UFC1: variants seen among roughly 807,000 people sequenced by gnomAD.
UFC1 encodes the protein ubiquitin-fold modifier conjugating enzyme 1, also known as ubiquitin-fold modifier-conjugating enzyme 1.
UFC1 carries 22 observed loss-of-function variants against 28.0 expected under a neutral mutation model. The observed-to-expected ratio is 0.78, with a 90% CI of 0.56 to 1.12. The LOEUF is 1.12. Among genes scored for constraint, UFC1 ranks in the 50% most tolerant of loss-of-function variants. The pLI is 0.00. For synonymous variants in UFC1, 61 were observed against 74.5 expected (o/e 0.82, Z 0.93); for missense variants, 189 against 207.8 (o/e 0.91, Z 0.56).
chr1:161,154,057 C>T lies in UFC1; in HGVS notation c.60C>T (p.Ala20=), dbSNP rs750953619. 1 of 1,614,078 alleles carries T rather than the reference C, an allele frequency of 6.2e-7. No homozygotes were observed. Among genetic ancestry groups the T allele is most frequent in the Non-Finnish European group, 8.5e-7 (1 of 1,180,032 alleles). ...VSEIPVLKTN[A]GPRDRELWVQ... is the part of the protein sequence containing the mutation. The stretch of plus-strand genomic sequence containing the variant: ...AGATCCCGGTGCTGAAGACTAACGC[C>T]GGACCCCGAGATCGTGAGTTGTGGG... The change falls in exon 1 of 6, where the codon GCC becomes GCT. Residue 20 remains alanine, a synonymous_variant. Transcript: ENST00000368003.
At position 161,158,118 on chromosome 1, in the gene UFC1, T is replaced by C. The variant is rs368155406; in HGVS notation, c.333-3T>C. On this transcript the variant is annotated splice_region_variant and splice_polypyrimidine_tract_variant and intron_variant, in intron 4 of 5. Transcript: ENST00000368003. ...CAACACCTTCTTCATGTCCCTCTCATAGGGGTGGCAAAATATGCCTGACGG... is the reference window on the plus strand; with the variant it reads ...CAACACCTTCTTCATGTCCCTCTCACAGGGGTGGCAAAATATGCCTGACGG... The C allele has an allele frequency of 7.5e-5, 121 of 1,613,884 alleles. No individual in the cohort carries two copies. The highest frequency in any genetic ancestry group is 1.0e-4 in the Non-Finnish European group (120 of 1,179,936).
chr1:161,157,119 C>A, intron 2 of UFC1, 102 bp downstream of exon 2: 1 of 1,488,486 alleles, frequency 6.7e-7, no homozygotes, highest in Non-Finnish European at 9.4e-7. Flanking sequence ...CACATGTTAG[C>A]TGTCTCCACT....
chr1:161,154,891 C>T (rs2101788691), intron 1 of UFC1, among the ~76,000 whole-genome samples: 1 of 152,266 alleles, frequency 6.6e-6, no homozygotes, highest in East Asian at 1.9e-4. Context: ...GGGCTGTCTT[C>T]TCAGTTATCT....
rs374498114 is a variant in UFC1 at position 161,157,372 on chromosome 1, G to C, written c.255+55G>C. 1.4e-3 allele frequency: 2,199 copies of C among 1,598,478 alleles called. 54 individuals are homozygous for C. The South Asian group carries it at 0.023, about 17-fold the overall frequency. On this transcript the variant is annotated intron_variant, in intron 3 of 5. Coordinates refer to ENST00000368003, the MANE Select transcript of UFC1 (RefSeq NM_016406.4). ...GTTAGTAGAAGGGGAGGGATTAGAT[G>C]ATGGGTAACAAGCTATCCTTTCTTG... is the stretch of plus-strand genomic sequence containing the variant.
rs142546576 is a variant in UFC1 at position 161,158,420 on chromosome 1, A to T, written c.432A>T (p.Pro144=). Residue 144 remains proline, a synonymous_variant, in exon 6 of 6, where the codon CCA becomes CCT. Coordinates refer to ENST00000368003, the MANE Select transcript of UFC1 (RefSeq NM_016406.4). ...LAHLMALGLG[P]WLAVEIPDLI... is the part of the protein sequence containing the mutation. ...TTTTCCTTGTATTGCAGCTGGGTCC[A>T]TGGCTGGCAGTGGAAATCCCTGATC... 1 of 1,614,238 alleles carries T rather than the reference A, an allele frequency of 6.2e-7. No individual in the cohort carries two copies. The highest frequency in any genetic ancestry group is 8.5e-7 in the Non-Finnish European group (1 of 1,180,046).
intron 1 of UFC1, 36 bp downstream of exon 1, chr1:161,154,156 A>G: frequency 1.9e-6 from 3 of 1,610,462 alleles, no homozygotes; most frequent in Non-Finnish European, 1.7e-6. Flanking sequence ...GCGTAGCATA[A>G]GGGTTGGGAG....
intron 1 of UFC1, among the ~76,000 whole-genome samples, chr1:161,155,230 T>A (rs981667135): frequency 2.6e-5 from 4 of 152,192 alleles, no homozygotes; most frequent in Non-Finnish European, 5.9e-5. Flanking sequence ...GAAGAGGTAA[T>A]GCTTGAGCTG....
intron 4 of UFC1, 156 bp from the exon 5 acceptor site, chr1:161,157,965 T>C: frequency 1.5e-6 from 1 of 671,356 alleles, no homozygotes; most frequent in Non-Finnish European, 2.5e-6. Context: ...GCTGGCCTAG[T>C]GGGGTGCCAG....
chr1:161,156,845 TA>T, intron 1 of UFC1, 104 bp from the exon 2 acceptor site: 1 of 1,064,016 alleles, frequency 9.4e-7, no homozygotes, highest in South Asian at 1.5e-5. Flanking sequence ...TCCATCTCAA[TA>T]AAAATAAAAA....
Position 161,158,538 on chromosome 1 carries a change from C to T in UFC1, c.*46C>T. ...GGGCAGAGGGACCTTTGATAGGCTACGATACTATTTTCCTGTGCATCACAC... is the reference window on the plus strand; with the variant it reads ...GGGCAGAGGGACCTTTGATAGGCTATGATACTATTTTCCTGTGCATCACAC... On this transcript the variant is annotated 3_prime_UTR_variant, in exon 6 of 6. Transcript: ENST00000368003. 1.3e-6 allele frequency: 2 copies of T among 1,598,030 alleles called. No homozygotes were observed. Among genetic ancestry groups the T allele is most frequent in the Non-Finnish European group, 1.7e-6 (2 of 1,165,632 alleles).
chr1:161,157,354 G>C (rs1464917500), intron 3 of UFC1, 37 bp downstream of exon 3: 1 of 1,610,610 alleles, frequency 6.2e-7, no homozygotes, highest in Admixed American at 1.7e-5. Context: ...AAGGTTAGTA[G>C]AAGGGGAGGG....
chr1:161,158,275 A>C lies in UFC1; in HGVS notation c.423+64A>C. 5.0e-6 allele frequency: 8 copies of C among 1,587,506 alleles called. No homozygotes were observed. The South Asian group carries it at 8.8e-5, about 18-fold the overall frequency. ...ACTTAGGCCCTGAGCAGTACAAGAA[A>C]AGCAGCTAAGAATAAAAGGAATAAC... is the stretch of plus-strand genomic sequence containing the variant. On this transcript the variant is annotated intron_variant, in intron 5 of 5. Transcript: ENST00000368003.
At position 161,158,189 on chromosome 1, in the gene UFC1, T is replaced by C. The variant is rs1389816045; in HGVS notation, c.401T>C (p.Leu134Pro). The C allele has an allele frequency of 5.6e-6, 9 of 1,614,234 alleles. No homozygotes were observed. The highest frequency in any genetic ancestry group is 7.6e-6 in the Non-Finnish European group (9 of 1,180,044). The change falls in exon 5 of 6, where the codon CTA (leucine) becomes CCA (proline). Residue 134 changes from leucine (L) to proline (P), a missense_variant. Coordinates refer to ENST00000368003, the MANE Select transcript of UFC1 (RefSeq NM_016406.4). ...LWARNVPKFG[L>P]AHLMALGLGP... ...GCCAGGAATGTGCCCAAATTTGGAC[T>C]AGCTCATCTCATGGCTCTGGGGGTA... is the stretch of plus-strand genomic sequence containing the variant.
intron 1 of UFC1, among the ~76,000 whole-genome samples, chr1:161,154,899 T>G (rs2101788708): frequency 6.6e-6 from 1 of 152,308 alleles, no homozygotes; most frequent in South Asian, 2.1e-4. Flanking sequence ...TTCTCAGTTA[T>G]CTCTACTGTG....
intron 1 of UFC1, 135 bp downstream of exon 1, chr1:161,154,255 G>C: frequency 7.1e-7 from 1 of 1,417,280 alleles, no homozygotes; most frequent in African/African-American, 1.4e-5. Flanking sequence ...TGGGACTATT[G>C]TGGGGCTCGG....
intron 1 of UFC1, 30 bp from the exon 2 acceptor site, chr1:161,156,918 ACT>A: frequency 6.2e-7 from 1 of 1,601,196 alleles, no homozygotes; most frequent in Non-Finnish European, 8.5e-7. Context: ...GGCCCCAACT[ACT>A]CTCTCAAAGA....
chr1:161,158,330 A>C, intron 5 of UFC1, 82 bp from the exon 6 acceptor site: 1 of 1,589,886 alleles, frequency 6.3e-7, no homozygotes, highest in Non-Finnish European at 8.6e-7. Flanking sequence ...GTTCCCCCAG[A>C]ATCTGTCTCC....
chr1:161,156,121 T>C (rs1005308713), intron 1 of UFC1, among the ~76,000 whole-genome samples: 1 of 152,168 alleles, frequency 6.6e-6, no homozygotes, highest in African/African-American at 2.4e-5. Flanking sequence ...TTCAGGTCTT[T>C]TGTGCTTGCT....
chr1:161,154,174 G>T, intron 1 of UFC1, 54 bp downstream of exon 1: 1 of 1,606,122 alleles, frequency 6.2e-7, no homozygotes. Context: ...GAGAAATCAG[G>T]TGTCCTCAAT....
Sources: allele counts gnomAD v4.1 joint callset (sites outside exome capture counted in the v4.1 genomes callset), GRCh38; gene constraint gnomAD v4.1.1; transcripts MANE v1.5; gene names NCBI Gene and HGNC (gene_info 2026-07-23, HGNC 2026-07-21).